Variants in FMN1 observed in about 807,000 individuals in gnomAD.
FMN1 encodes formin-1.
Under a neutral mutation model 132.4 loss-of-function variants are expected in FMN1, and 110 were observed. That is an observed-to-expected ratio of 0.83 (90% CI 0.71 to 0.97). The LOEUF (loss-of-function observed/expected upper bound fraction) is 0.97. Among genes scored for constraint, FMN1 ranks in the 50% least tolerant of loss-of-function variants. FMN1 has a pLI of 0.00. For missense variants in FMN1, 1,792 were observed against 1,705.3 expected (o/e 1.05, Z -0.90); for synonymous variants, 722 against 651.7 (o/e 1.11, Z -1.64).
chr15:32,949,954 T>TTAAAAAGCTCAACTTCAATGGCC (rs1567448434), intron 9 of FMN1, among the ~76,000 whole-genome samples: 1 of 50,196 alleles, frequency 2.0e-5, no homozygotes, highest in African/African-American at 1.2e-4. Flanking sequence ...TATATATATA[T>TTAAAAAGCTCAACTTCAATGGCC]ATATATATAT....
chr15:33,097,148 T>C (rs891134842), intron 4 of FMN1, among the ~76,000 whole-genome samples: 2 of 151,830 alleles, frequency 1.3e-5, no homozygotes, highest in South Asian at 4.2e-4. Context: ...AATACAAAAA[T>C]CAGCCAAGCC....
intron 4 of FMN1, among the ~76,000 whole-genome samples, chr15:33,110,079 A>G (rs1175614351): frequency 6.6e-6 from 1 of 152,102 alleles, no homozygotes; most frequent in African/African-American, 2.4e-5. Flanking sequence ...CAATTTGGTA[A>G]TAAATATTAA....
chr15:32,910,548 C>A lies in FMN1; in HGVS notation c.3227-13G>T. ...ACATTGAAAATGGCTGCCAAGCACC[C>A]AAAAAGAAAAGAGGATAAGGGATTT... On this transcript the variant is annotated splice_polypyrimidine_tract_variant and intron_variant, in intron 10 of 20. Transcript: ENST00000616417. The A allele has an allele frequency of 6.4e-7, 1 of 1,559,218 alleles. No individual in the cohort carries two copies. The highest frequency in any genetic ancestry group is 8.7e-7 in the Non-Finnish European group (1 of 1,150,448).
At chr15:33,063,117 C>G (rs1443213868) in intron 6 of FMN1, 1 of 152,266 alleles carries the variant, frequency 6.6e-6, no homozygotes, top group Non-Finnish European at 1.5e-5. Context: ...GGTACCATAA[C>G]TGTGCAGGGG....
At chr15:33,115,124 G>C (rs372859177) in intron 4 of FMN1, among the ~76,000 whole-genome samples, 82 of 152,262 alleles carry the variant, frequency 5.4e-4, no homozygotes, top group African/African-American at 1.8e-3. Context: ...CTAAGACAAG[G>C]CCCTTGCCTT....
intron 12 of FMN1, among the ~76,000 whole-genome samples, chr15:32,905,525 A>T (rs1056502810): frequency 1.3e-5 from 2 of 152,198 alleles, no homozygotes; most frequent in African/African-American, 2.4e-5. Context: ...ACCCGGCAGC[A>T]TAAGAGTCAA....
At chr15:33,172,740 G>T (rs1355959734) in intron 3 of FMN1, among the ~76,000 whole-genome samples, 2 of 152,304 alleles carry the variant, frequency 1.3e-5, no homozygotes, top group South Asian at 2.1e-4. Context: ...GGTCAATGTA[G>T]TCCCAAAGTC....
intron 3 of FMN1, among the ~76,000 whole-genome samples, chr15:33,156,319 C>T (rs1964671167): frequency 7.6e-6 from 1 of 131,210 alleles, no homozygotes; most frequent in South Asian, 2.7e-4. Context: ...CTTGCTCTGT[C>T]GCTTAGGCTG....
chr15:32,958,972 G>A (rs2030175291), intron 9 of FMN1, among the ~76,000 whole-genome samples: 2 of 148,966 alleles, frequency 1.3e-5, no homozygotes, highest in African/African-American at 5.0e-5. Flanking sequence ...GAACCTGGGT[G>A]GTGGGGGTTG....
chr15:33,059,747 T>C (rs1364061138), intron 6 of FMN1, among the ~76,000 whole-genome samples: 1 of 152,242 alleles, frequency 6.6e-6, no homozygotes, highest in Non-Finnish European at 1.5e-5. Context: ...ATGAGTAAGT[T>C]AAACTAAATG....
At chr15:33,083,050 C>A (rs1266772747) in intron 5 of FMN1, among the ~76,000 whole-genome samples, 1 of 151,672 alleles carries the variant, frequency 6.6e-6, no homozygotes, top group African/African-American at 2.4e-5. Context: ...GGATAATTAC[C>A]CAAACAGAGC....
intron 5 of FMN1, among the ~76,000 whole-genome samples, chr15:33,087,150 A>G (rs1018831871): frequency 6.6e-6 from 1 of 152,234 alleles, no homozygotes; most frequent in Non-Finnish European, 1.5e-5. Flanking sequence ...TAATCTGGTC[A>G]ATCCTACCAG....
intron 10 of FMN1, among the ~76,000 whole-genome samples, chr15:32,916,809 A>G (rs1238585089): frequency 6.6e-6 from 1 of 152,196 alleles, no homozygotes; most frequent in African/African-American, 2.4e-5. Flanking sequence ...AACAGCCAAA[A>G]TAAAACTTAG....
intron 6 of FMN1, among the ~76,000 whole-genome samples, chr15:33,046,763 C>CA (rs2036704924): frequency 6.6e-6 from 1 of 151,270 alleles, no homozygotes; most frequent in Non-Finnish European, 1.5e-5. Context: ...TCTCTCTGTG[C>CA]AAACTGGTTG....
intron 17 of FMN1, among the ~76,000 whole-genome samples, chr15:32,827,952 A>T (rs2058409989): frequency 6.6e-6 from 1 of 152,168 alleles, no homozygotes; most frequent in South Asian, 2.1e-4. Context: ...TGGATAAAGA[A>T]AAACATGGTT....
In FMN1 at chr15:32,933,762, C is replaced by A. The variant is rs2061184158; in HGVS notation, c.3139-7501G>T. Among the ~76,000 whole-genome samples the A allele has an allele frequency of 1.3e-5, 2 of 151,946 alleles. 1 individual carries two copies. Among genetic ancestry groups the A allele is most frequent in the Non-Finnish European group, 2.9e-5 (2 of 67,978 alleles). ...TGACTTAAATTCTAACTATGGCCAC[C>A]CTGCTGTCTTTTGGATTGTTTTTAG... is the stretch of plus-strand genomic sequence containing the variant. On this transcript the variant is annotated intron_variant, in intron 9 of 20. Transcript: ENST00000616417.
chr15:32,985,679 T>C (rs887111831), intron 7 of FMN1, among the ~76,000 whole-genome samples: 14 of 152,132 alleles, frequency 9.2e-5, no homozygotes, highest in African/African-American at 3.4e-4. Context: ...TGTGACTACA[T>C]TCTTTTCAAC....
chr15:32,890,018 C>A (rs1235308506), intron 15 of FMN1, among the ~76,000 whole-genome samples: 1 of 152,214 alleles, frequency 6.6e-6, no homozygotes, highest in Non-Finnish European at 1.5e-5. Flanking sequence ...TGAGAACATA[C>A]GATGTTTGGT....
chr15:33,095,988 C>G (rs2039069552), intron 4 of FMN1, among the ~76,000 whole-genome samples: 1 of 136,818 alleles, frequency 7.3e-6, no homozygotes, highest in Non-Finnish European at 1.5e-5. Context: ...ATATACGTAA[C>G]AAGGTAAATA....
Sources: allele counts gnomAD v4.1 joint callset (sites outside exome capture counted in the v4.1 genomes callset), GRCh38; gene constraint gnomAD v4.1.1; transcripts MANE v1.5; gene names NCBI Gene and HGNC (gene_info 2026-07-23, HGNC 2026-07-21).